DPF2: variants seen among roughly 807,000 people sequenced by gnomAD.
DPF2 encodes double PHD fingers 2, also known as zinc finger protein ubi-d4.
Under a neutral mutation model 59.6 loss-of-function variants are expected in DPF2, and 10 were observed. The ratio of observed to expected loss-of-function variants is 0.17; its 90% confidence interval spans 0.10 to 0.28. The LOEUF is 0.28. Among genes scored for constraint, DPF2 ranks in the 10% least tolerant of loss-of-function variants. The probability of loss-of-function intolerance (pLI) is 1.00; values close to 1 mark genes in which losing one functional copy is unlikely to be tolerated. For missense variants in DPF2, 315 were observed against 509.4 expected, an observed-to-expected ratio of 0.62 and a Z score of 3.67; for synonymous variants, 189 against 190.6, an observed-to-expected ratio of 0.99 and a Z score of 0.07.
chr11:65,339,492 A>C (rs1329265059), intron 1 of DPF2, among the ~76,000 whole-genome samples: 1 of 152,198 alleles, frequency 6.6e-6, no homozygotes, highest in Non-Finnish European at 1.5e-5. Context: ...TTTTGTGAGA[A>C]TGGAGAAGAA....
intron 4 of DPF2, 32 bp from the exon 5 acceptor site, chr11:65,343,713 T>A: frequency 1.3e-6 from 2 of 1,564,034 alleles, no homozygotes; most frequent in Middle Eastern, 2.3e-4. Flanking sequence ...ATGCACATAT[T>A]TCTACCCATG....
chr11:65,343,653 G>C, intron 4 of DPF2, 92 bp from the exon 5 acceptor site: 3 of 1,241,508 alleles, frequency 2.4e-6, no homozygotes, highest in Non-Finnish European at 1.1e-6. Context: ...CCACGTCACA[G>C]AGGAGGTTCT....
chr11:65,345,690 G>A lies in DPF2; in HGVS notation c.662G>A (p.Arg221Gln). 6.2e-7 allele frequency: 1 copy of A among 1,614,056 alleles called. No individual in the cohort carries two copies. The highest frequency in any genetic ancestry group is 8.5e-7 in the Non-Finnish European group (1 of 1,180,012). ...GTTTGTGGAAAACGTTACAAGAACC[G>A]ACCAGGCCTCAGTTACCACTATGCC... Reference protein sequence around the residue: ...CDICGKRYKNRPGLSYHYAHS... With the variant: ...CDICGKRYKNQPGLSYHYAHS... The change falls in exon 7 of 11, where the codon CGA (arginine) becomes CAA (glutamine). Residue 221 changes from arginine (R) to glutamine (Q), a missense_variant. By Grantham distance (43) the Arg-to-Gln change is conservative. Coordinates refer to ENST00000528416, the MANE Select transcript of DPF2 (RefSeq NM_006268.5).
rs770763995 is a variant in DPF2 at position 65,341,002 on chromosome 11, G to A, written c.230G>A (p.Arg77Gln). 12 of 1,613,984 alleles carry A rather than the reference G, an allele frequency of 7.4e-6. No individual in the cohort carries two copies. Among genetic ancestry groups the A allele is most frequent in the Admixed American group, 5.0e-5 (3 of 60,004 alleles). The part of the protein sequence containing the change: ...ASGQLYSYPA[R>Q]RWRKKRRAHP... ...GGACAGCTGTACTCCTACCCTGCCC[G>A]GCGCTGGCGGAAAAAGCGGCGAGCC... is the stretch of plus-strand genomic sequence containing the variant. The change falls in exon 3 of 11, where the codon CGG becomes CAG. Residue 77 changes from arginine to glutamine, a missense_variant. Transcript: ENST00000528416.
intron 9 of DPF2, chr11:65,346,566 C>T (rs1274806105): frequency 2.3e-5 from 12 of 522,340 alleles, no homozygotes; most frequent in Non-Finnish European, 3.4e-5. Context: ...CTGTTCTAGT[C>T]ACTAAAGATG....
intron 10 of DPF2, among the ~76,000 whole-genome samples, chr11:65,350,403 C>G (rs1053757093): frequency 2.0e-5 from 2 of 101,862 alleles, no homozygotes; most frequent in African/African-American, 8.1e-5. Flanking sequence ...GAGACAGTGT[C>G]TTGTTCTGTT....
At position 65,346,281 on chromosome 11, in the gene DPF2, G is replaced by C; in HGVS notation, c.939G>C (p.Met313Ile). 4 of 1,614,020 alleles carry C rather than the reference G, an allele frequency of 2.5e-6. No individual in the cohort carries two copies. The highest frequency in any genetic ancestry group is 3.4e-6 in the Non-Finnish European group (4 of 1,180,010). ...HPSCLQFTPV[M>I]MAAVKTYRWQ... ...CTTGCCTCCAATTTACCCCCGTGAT[G>C]ATGGCGGCAGTGAAGACATACCGCT... Residue 313 changes from methionine (M) to isoleucine (I), a missense_variant, in exon 9 of 11, where the codon ATG becomes ATC. Met to Ile is a conservative substitution (Grantham distance 10, BLOSUM62 1). Around this residue, in one of 4 missense-constraint regions of DPF2, gnomAD observed 27 missense variants for 125.8 expected, o/e 0.21. Coordinates refer to ENST00000528416, the MANE Select transcript of DPF2 (RefSeq NM_006268.5).
At chr11:65,341,273 T>C (rs4647580) in intron 3 of DPF2, 126 bp from the exon 4 acceptor site, 315 of 1,419,216 alleles carry the variant, frequency 2.2e-4, no homozygotes, top group Non-Finnish European at 3.0e-4. Flanking sequence ...TAGGGTGTCT[T>C]AATTCCTGGG....
At chr11:65,341,807 T>G in intron 4 of DPF2, 1 of 402,530 alleles carries the variant, frequency 2.5e-6, no homozygotes. Flanking sequence ...ATATATAATT[T>G]TCATTAAAAA....
chr11:65,352,001 T>C lies in DPF2; in HGVS notation c.*242T>C, dbSNP rs1474732724. 1 of 556,742 alleles carries C rather than the reference T, an allele frequency of 1.8e-6. No homozygotes were observed. Among genetic ancestry groups the C allele is most frequent in the Admixed American group, 3.2e-5 (1 of 31,388 alleles). The allele number at this position is 556,742 out of a possible 1,614,324, so 34.5% of individuals were successfully genotyped here. On this transcript the variant is annotated 3_prime_UTR_variant, in exon 11 of 11. Transcript: ENST00000528416. ...CTAGGCGTGCGTGTGGCCCAGTTTCTCTCTGCTCTCCATTAAGTGCATTCA... is the reference window on the plus strand; with the variant it reads ...CTAGGCGTGCGTGTGGCCCAGTTTCCCTCTGCTCTCCATTAAGTGCATTCA...
At chr11:65,345,436 A>T in intron 6 of DPF2, 1 of 559,672 alleles carries the variant, frequency 1.8e-6, no homozygotes, top group Admixed American at 3.1e-5. Context: ...AGTGGTGGCC[A>T]TGGGGTTGGA....
intron 4 of DPF2, among the ~76,000 whole-genome samples, chr11:65,343,299 CAA>C (rs529933254): frequency 5.2e-5 from 3 of 58,038 alleles, no homozygotes; most frequent in East Asian, 6.4e-4. Context: ...AACTCTGTCT[CAA>C]AAAAAAAAAA....
At chr11:65,348,614 A>G (rs918684795) in intron 9 of DPF2, 74 of 308,194 alleles carry the variant, frequency 2.4e-4, no homozygotes, top group African/African-American at 1.3e-3. Context: ...CTTTAGGGAA[A>G]AAAAAAAAAA....
intron 8 of DPF2, 86 bp downstream of exon 8, chr11:65,346,144 C>T: frequency 6.3e-7 from 1 of 1,598,250 alleles, no homozygotes; most frequent in Non-Finnish European, 8.5e-7. Flanking sequence ...ATAACCAGCC[C>T]ACCTCGCTTT....
intron 1 of DPF2, among the ~76,000 whole-genome samples, chr11:65,337,498 TATATATAGAGAGAGAG>T (rs1361038549): frequency 1.9e-3 from 93 of 48,016 alleles, no homozygotes; most frequent in African/African-American, 4.3e-3. Context: ...TATATATATA[TATATATAGAGAGAGAG>T]AGAGAGAGAG....
chr11:65,351,029 A>T (rs986623905), intron 10 of DPF2, among the ~76,000 whole-genome samples: 1 of 151,944 alleles, frequency 6.6e-6, no homozygotes, highest in Non-Finnish European at 1.5e-5. Flanking sequence ...ATGAGACTGT[A>T]TGTGGCTCAC....
At chr11:65,351,560 A>T in intron 10 of DPF2, 123 bp from the exon 11 acceptor site, 1 of 784,420 alleles carries the variant, frequency 1.3e-6, no homozygotes. Context: ...TTCCTGCTGC[A>T]GAGCATCCCT....
Position 65,341,544 on chromosome 11 carries a change from C to G in DPF2, c.447C>G (p.Thr149=). The change falls in exon 4 of 11, where the codon ACC becomes ACG. Residue 149 remains threonine, a synonymous_variant. Transcript: ENST00000528416. The stretch of plus-strand genomic sequence containing the variant: ...ACAGCCTGGGCGAGTTTCCTGTGAC[C>G]AACAGTCGAGCGCGAAAGGTACAGG... ...DDDSLGEFPV[T]NSRARKRILE... is the part of the protein sequence containing the mutation. 6.2e-7 allele frequency: 1 copy of G among 1,614,108 alleles called. No homozygotes were observed. Among genetic ancestry groups the G allele is most frequent in the South Asian group, 1.1e-5 (1 of 91,078 alleles).
chr11:65,336,393 G>A (rs1432892007), intron 1 of DPF2, among the ~76,000 whole-genome samples: 1 of 151,954 alleles, frequency 6.6e-6, no homozygotes, highest in Non-Finnish European at 1.5e-5. Context: ...TTGAGAGGCT[G>A]AGGCACAAGA....
Sources: gnomAD v4.1 joint callset for allele counts (sites outside exome capture counted in the v4.1 genomes callset) on GRCh38, gnomAD v4.1.1 for gene constraint, gnomAD v4.1.1 regional missense constraint, MANE v1.5 for transcripts, NCBI Gene and HGNC (gene_info 2026-07-23, HGNC 2026-07-21) for gene names.